AUTS2: variants seen among roughly 807,000 people sequenced by gnomAD.
The protein encoded by AUTS2 is activator of transcription and developmental regulator AUTS2.
AUTS2 carries 17 observed loss-of-function variants against 112.4 expected under a neutral mutation model. That is an observed-to-expected ratio of 0.15 (90% CI 0.10 to 0.23). The LOEUF (loss-of-function observed/expected upper bound fraction) is 0.23. Among genes scored for constraint, AUTS2 ranks in the 10% least tolerant of loss-of-function variants. The pLI is 1.00. For missense variants in AUTS2, 1,510 were observed against 1,701.6 expected, an observed-to-expected ratio of 0.89 and a Z score of 1.98; for synonymous variants, 751 against 702.7, an observed-to-expected ratio of 1.07 and a Z score of -1.09.
At chr7:70,303,434 G>GCGCGCGCA (rs1241517255) in intron 4 of AUTS2, among the ~76,000 whole-genome samples, 36 of 142,046 alleles carry the variant, frequency 2.5e-4, no homozygotes, top group Admixed American at 9.2e-4. Context: ...GCGCGCGCGC[G>GCGCGCGCA]CACATACACA....
intron 5 of AUTS2, among the ~76,000 whole-genome samples, chr7:70,464,733 A>C (rs970253149): frequency 2.0e-5 from 3 of 152,316 alleles, no homozygotes; most frequent in South Asian, 2.1e-4. Context: ...GTGGAAAAGG[A>C]GTGCATTTCT....
intron 2 of AUTS2, among the ~76,000 whole-genome samples, chr7:70,090,685 CTTTT>C (rs1279080115): frequency 7.8e-6 from 1 of 129,000 alleles, no homozygotes. Context: ...AGATTTCTGT[CTTTT>C]TTTTTTTTTT....
chr7:69,742,943 C>T (rs1787330677), intron 1 of AUTS2, among the ~76,000 whole-genome samples: 1 of 152,140 alleles, frequency 6.6e-6, no homozygotes, highest in South Asian at 2.1e-4. Flanking sequence ...TTCCCCAGAT[C>T]CACAGAAAAG....
intron 1 of AUTS2, among the ~76,000 whole-genome samples, chr7:69,748,615 T>A (rs143096102): frequency 3.9e-5 from 6 of 152,194 alleles, no homozygotes; most frequent in Non-Finnish European, 5.9e-5. Flanking sequence ...CAGACAATTA[T>A]AAGGAACTCT....
intron 2 of AUTS2, among the ~76,000 whole-genome samples, chr7:70,019,279 G>A (rs1332322295): frequency 2.0e-5 from 3 of 152,096 alleles, no homozygotes; most frequent in Non-Finnish European, 4.4e-5. Flanking sequence ...GAAGGTGGGA[G>A]GATGAAGAGG....
At chr7:70,609,650 A>G (rs1803974835) in intron 5 of AUTS2, among the ~76,000 whole-genome samples, 1 of 151,228 alleles carries the variant, frequency 6.6e-6, no homozygotes, top group Non-Finnish European at 1.5e-5. Flanking sequence ...GATGGTCTCC[A>G]TCTCCTGACC....
chr7:70,530,875 A>G (rs1023895482), intron 5 of AUTS2, among the ~76,000 whole-genome samples: 83 of 152,206 alleles, frequency 5.5e-4, no homozygotes, highest in African/African-American at 1.9e-3. Context: ...ATCAGGCACC[A>G]ACTTCTTTTT....
At chr7:70,117,125 T>TG (rs1805414250) in intron 2 of AUTS2, among the ~76,000 whole-genome samples, 3 of 122,694 alleles carry the variant, frequency 2.4e-5, no homozygotes, top group African/African-American at 9.2e-5. Flanking sequence ...TTGTTTTTTT[T>TG]TGTTTTTTTT....
chr7:70,211,995 G>A (rs1465358959), intron 4 of AUTS2, among the ~76,000 whole-genome samples: 1 of 152,200 alleles, frequency 6.6e-6, no homozygotes, highest in East Asian at 1.9e-4. Flanking sequence ...CAAAGAGAGA[G>A]AGAGACAGCA....
chr7:69,809,710 A>G (rs1201505568), intron 1 of AUTS2, among the ~76,000 whole-genome samples: 2 of 152,200 alleles, frequency 1.3e-5, no homozygotes, highest in African/African-American at 4.8e-5. Flanking sequence ...CCCAGAGTCC[A>G]TGATCACATA....
At position 70,790,882 on chromosome 7, in the gene AUTS2, G is replaced by C; in HGVS notation, c.3666G>C (p.Pro1222=). 6.2e-7 allele frequency: 1 copy of C among 1,601,958 alleles called. No individual in the cohort carries two copies. The highest frequency in any genetic ancestry group is 8.5e-7 in the Non-Finnish European group (1 of 1,173,798). Residue 1222 remains proline, a synonymous_variant, in exon 19 of 19, where the codon CCG becomes CCC. Transcript: ENST00000342771. This position sits in a 1 kb window ranked among gnomAD's most constrained non-coding sequence, Gnocchi z 7.6. The stretch of plus-strand genomic sequence containing the variant: ...CAGCAGCGCTGAGCGCACCTCCCCC[G>C]CTCATCTCCACGCTGGGGGGCCGCC... ...PPTAALSAPP[P]LISTLGGRPV...
chr7:70,003,529 AAT>A (rs1318596148), intron 2 of AUTS2, among the ~76,000 whole-genome samples: 2 of 125,284 alleles, frequency 1.6e-5, no homozygotes, highest in African/African-American at 3.2e-5. Context: ...AATATATATG[AAT>A]ATGTTATATA....
intron 5 of AUTS2, among the ~76,000 whole-genome samples, chr7:70,507,318 C>T (rs1799004162): frequency 1.3e-5 from 2 of 151,946 alleles, no homozygotes; most frequent in African/African-American, 2.4e-5. Context: ...GCGGGAGGAT[C>T]GCTTGAGCCT....
chr7:70,166,928 G>A (rs1333420117), intron 4 of AUTS2, among the ~76,000 whole-genome samples: 3 of 152,172 alleles, frequency 2.0e-5, no homozygotes, highest in Non-Finnish European at 4.4e-5. Flanking sequence ...AGTATGTCAT[G>A]CAAACCCTAA....
chr7:69,855,582 G>A (rs1036617668), intron 1 of AUTS2, among the ~76,000 whole-genome samples: 2 of 152,172 alleles, frequency 1.3e-5, no homozygotes, highest in Non-Finnish European at 2.9e-5. Flanking sequence ...ACTCAAGAGA[G>A]TAGATAAGGC....
intron 2 of AUTS2, among the ~76,000 whole-genome samples, chr7:69,922,396 G>A (rs141452848): frequency 6.6e-6 from 1 of 152,334 alleles, no homozygotes; most frequent in African/African-American, 2.4e-5. Flanking sequence ...AAAACAGGTA[G>A]CACGAGATTG....
intron 1 of AUTS2, among the ~76,000 whole-genome samples, chr7:69,610,616 T>A (rs1792979233): frequency 6.6e-6 from 1 of 152,198 alleles, no homozygotes; most frequent in Non-Finnish European, 1.5e-5. Context: ...ATTTGCATTT[T>A]TTCTTCAGGT....
At chr7:70,182,000 G>A (rs1024408998) in intron 4 of AUTS2, among the ~76,000 whole-genome samples, 2 of 147,234 alleles carry the variant, frequency 1.4e-5, no homozygotes, top group African/African-American at 2.5e-5. Flanking sequence ...GTATTTCATC[G>A]TGTTAGCCAG....
At chr7:70,643,869 G>C (rs1248692321) in intron 5 of AUTS2, among the ~76,000 whole-genome samples, 1 of 152,126 alleles carries the variant, frequency 6.6e-6, no homozygotes, top group African/African-American at 2.4e-5. Flanking sequence ...CCTTTGCTGA[G>C]TGCTATGTAT....
Sources: allele counts gnomAD v4.1 joint callset (sites outside exome capture counted in the v4.1 genomes callset), GRCh38; gene constraint gnomAD v4.1.1; non-coding constraint Gnocchi (gnomAD v3.1); transcripts MANE v1.5; gene names NCBI Gene and HGNC (gene_info 2026-07-23, HGNC 2026-07-21).